Variants in DCX observed in about 807,000 individuals in gnomAD.
DCX encodes the protein doublecortin.
DCX carries 4 observed loss-of-function variants against 20.9 expected under a neutral mutation model. The observed-to-expected ratio is 0.19, with a 90% CI of 0.09 to 0.44. The LOEUF (loss-of-function observed/expected upper bound fraction) is 0.44. DCX is among the 20% of genes least tolerant of loss of function. The pLI, the probability that DCX is intolerant of heterozygous loss-of-function variation, is 0.99. For synonymous variants in DCX, 103 were observed against 111.4 expected, an observed-to-expected ratio of 0.92 and a Z score of 0.47; for missense variants, 133 against 296.9, an observed-to-expected ratio of 0.45 and a Z score of 4.06.
At chrX:111,342,201 C>CA (rs775762991) in intron 3 of DCX, among the ~76,000 whole-genome samples, 837 of 24,155 alleles carry the variant, frequency 0.035, 19 homozygotes, top group African/African-American at 0.076. Context: ...AAAAGGAAAG[C>CA]AAAAAAAAAA....
At chrX:111,364,520 G>C (rs2147698093) in intron 3 of DCX, among the ~76,000 whole-genome samples, 1 of 112,181 alleles carries the variant, frequency 8.9e-6, no homozygotes, top group African/African-American at 3.2e-5. Flanking sequence ...GATAGTAGCT[G>C]ATAAAATTTT....
intron 6 of DCX, among the ~76,000 whole-genome samples, chrX:111,312,315 C>T (rs947539934): frequency 1.1e-4 from 12 of 112,133 alleles, no homozygotes; most frequent in African/African-American, 3.9e-4. Context: ...ACCCCCTTTG[C>T]TATGTCTCTG....
chrX:111,325,561 C>T (rs1471903314), intron 5 of DCX, among the ~76,000 whole-genome samples: 1 of 112,226 alleles, frequency 8.9e-6, no homozygotes, highest in African/African-American at 3.2e-5. Flanking sequence ...TGCATAGCAT[C>T]TAATTCACGT....
rs1002718368 is a variant in DCX at position 111,298,102 on chromosome X, C to G, written c.*3585G>C. 5 of 111,781 alleles carry G rather than the reference C, an allele frequency of 4.5e-5. No homozygotes were observed. The highest frequency in any genetic ancestry group is 1.3e-4 in the African/African-American group (4 of 30,730). The allele number at this position is 111,781 out of a possible 1,213,427, so 9.2% of individuals were successfully genotyped here. A position where few individuals can be genotyped will look rare whatever the true frequency, so the allele number is the denominator to read the frequency against. On this transcript the variant is annotated 3_prime_UTR_variant, in exon 7 of 7. Coordinates refer to ENST00000636035, the MANE Select transcript of DCX (RefSeq NM_001195553.2). ...GTTAGGATGAACAAAGCTATTGTTC[C>G]ACTCTTTCTTTTTCTACTCTGGAAA...
intron 3 of DCX, among the ~76,000 whole-genome samples, chrX:111,394,290 A>G (rs1927165862): frequency 8.9e-6 from 1 of 111,930 alleles, no homozygotes; most frequent in Non-Finnish European, 1.9e-5. Flanking sequence ...AAGACAATCC[A>G]TAGAGCAAAA....
chrX:111,327,728 C>T (rs1227540306), intron 5 of DCX, among the ~76,000 whole-genome samples: 3 of 112,140 alleles, frequency 2.7e-5, no homozygotes, highest in Non-Finnish European at 5.6e-5. Context: ...ATCTCCTCGT[C>T]CCAGCTTGGA....
intron 3 of DCX, among the ~76,000 whole-genome samples, chrX:111,349,138 G>A (rs1355158093): frequency 9.0e-6 from 1 of 111,590 alleles, no homozygotes; most frequent in Non-Finnish European, 1.9e-5. Context: ...GGGGGTTAAG[G>A]ATTCCTTTGA....
At chrX:111,317,451 A>T (rs2095075326) in intron 5 of DCX, among the ~76,000 whole-genome samples, 2 of 111,451 alleles carry the variant, frequency 1.8e-5, no homozygotes, top group South Asian at 7.7e-4. Flanking sequence ...ACTTAAATGA[A>T]AAACCCTGGA....
At chrX:111,375,988 T>C (rs1925502903) in intron 3 of DCX, among the ~76,000 whole-genome samples, 1 of 112,317 alleles carries the variant, frequency 8.9e-6, no homozygotes, top group Non-Finnish European at 1.9e-5. Flanking sequence ...AAACAAGCTC[T>C]GAGGTTTATT....
chrX:111,318,361 TATA>T (rs201675196), intron 5 of DCX, among the ~76,000 whole-genome samples: 2,547 of 100,042 alleles, frequency 0.025, 29 homozygotes, highest in Non-Finnish European at 0.037. Context: ...AAACTTAAAG[TATA>T]ATAATAATAA....
At chrX:111,406,224 C>A (rs1358102397) in intron 2 of DCX, among the ~76,000 whole-genome samples, 1 of 111,724 alleles carries the variant, frequency 9.0e-6, no homozygotes, top group Non-Finnish European at 1.9e-5. Context: ...AACACTGGGG[C>A]CCTAGCCCTG....
chrX:111,373,620 G>T (rs1925287940), intron 3 of DCX, among the ~76,000 whole-genome samples: 1 of 111,722 alleles, frequency 9.0e-6, no homozygotes, highest in Non-Finnish European at 1.9e-5. Context: ...CATTAGGCAG[G>T]ATCAACTCCT....
intron 3 of DCX, among the ~76,000 whole-genome samples, chrX:111,362,065 C>T (rs1924254144): frequency 9.0e-6 from 1 of 110,929 alleles, no homozygotes; most frequent in African/African-American, 3.3e-5. Context: ...CTTATTTTTG[C>T]TATCAATGGA....
At chrX:111,369,508 TACAGTAATTCATATATTTTA>T (rs1399628659) in intron 3 of DCX, among the ~76,000 whole-genome samples, 40 of 111,643 alleles carry the variant, frequency 3.6e-4, no homozygotes, top group African/African-American at 1.3e-3. Context: ...TTTCTCTATA[TACAGTAATTCATATATTTTA>T]ACAGAGACCT....
At position 111,410,961 on chromosome X, in the gene DCX, G is replaced by A. The variant is rs1205520906; in HGVS notation, c.-22-541C>T. ...CATTTCAGTACAATGACTATGAAGGGGGAGTGTTTTCATTTTATTCCAAGC... is the reference window on the plus strand; with the variant it reads ...CATTTCAGTACAATGACTATGAAGGAGGAGTGTTTTCATTTTATTCCAAGC... On this transcript the variant is annotated intron_variant, in intron 1 of 6. Coordinates refer to ENST00000636035, the MANE Select transcript of DCX (RefSeq NM_001195553.2). 10 of 1,206,306 alleles carry A rather than the reference G, an allele frequency of 8.3e-6. No individual in the cohort carries two copies. In the South Asian group the frequency reaches 1.6e-4, roughly 19 times the overall value.
At chrX:111,380,865 C>T (rs374232728) in intron 3 of DCX, among the ~76,000 whole-genome samples, 2 of 110,231 alleles carry the variant, frequency 1.8e-5, no homozygotes, top group African/African-American at 6.6e-5. Flanking sequence ...TTTATATTTG[C>T]GTGTTATGAT....
intron 1 of DCX, chrX:111,410,643 C>T: frequency 1.1e-6 from 1 of 899,034 alleles, no homozygotes; most frequent in African/African-American, 2.0e-5. Context: ...GGCGGGGGTG[C>T]TGGTGGTTGT....
intron 3 of DCX, among the ~76,000 whole-genome samples, chrX:111,388,701 A>C (rs1022315748): frequency 7.1e-5 from 8 of 112,246 alleles, no homozygotes; most frequent in African/African-American, 2.6e-4. Context: ...TAATTTGAGA[A>C]ATGTGCTCTA....
intron 3 of DCX, among the ~76,000 whole-genome samples, chrX:111,349,367 T>C (rs1923125858): frequency 9.0e-6 from 1 of 111,632 alleles, no homozygotes; most frequent in African/African-American, 3.3e-5. Flanking sequence ...CAAAAGGATA[T>C]AAGCTCATTC....
Sources: gnomAD v4.1 joint callset for allele counts (sites outside exome capture counted in the v4.1 genomes callset) on GRCh38, gnomAD v4.1.1 for gene constraint, MANE v1.5 for transcripts, NCBI Gene and HGNC (gene_info 2026-07-23, HGNC 2026-07-21) for gene names.